The following FRMD5 variants were observed in gnomAD, a reference collection of about 807,000 sequenced individuals.
FRMD5 encodes the protein FERM domain containing 5, also known as FERM domain-containing protein 5.
FRMD5 carries 20 observed loss-of-function variants against 69.0 expected under a neutral mutation model. The ratio of observed to expected loss-of-function variants is 0.29; its 90% CI spans 0.20 to 0.42. The LOEUF is 0.42. Ranked by LOEUF, FRMD5 falls within the 10% of genes least tolerant of loss-of-function variation. FRMD5 has a pLI of 1.00. For synonymous variants in FRMD5, 271 were observed against 260.1 expected, an observed-to-expected ratio of 1.04 and a Z score of -0.40; for missense variants, 595 against 708.6, an observed-to-expected ratio of 0.84 and a Z score of 1.82.
chr15:43,960,363 C>A (rs1459808410), intron 1 of FRMD5, among the ~76,000 whole-genome samples: 1 of 152,248 alleles, frequency 6.6e-6, no homozygotes, highest in Non-Finnish European at 1.5e-5. Flanking sequence ...CGTTCTCCTG[C>A]CTCAGCCTCC....
chr15:44,063,838 A>T (rs1893197461), intron 1 of FRMD5: 1 of 277,972 alleles, frequency 3.6e-6, no homozygotes. Flanking sequence ...GAAGGCTGGG[A>T]CTCATTTAGA....
intron 1 of FRMD5, among the ~76,000 whole-genome samples, chr15:44,075,872 T>G (rs1049618864): frequency 1.3e-5 from 2 of 152,184 alleles, no homozygotes; most frequent in African/African-American, 4.8e-5. Context: ...TGGTGTGAGA[T>G]GGTATCTCAT....
At chr15:43,932,924 GAGA>G (rs778443013) in intron 1 of FRMD5, among the ~76,000 whole-genome samples, 3 of 152,238 alleles carry the variant, frequency 2.0e-5, no homozygotes, top group Admixed American at 6.5e-5. Context: ...TGCTTCTCCT[GAGA>G]AGGACAGCCA....
chr15:44,090,544 A>G (rs2076457053), intron 1 of FRMD5, among the ~76,000 whole-genome samples: 1 of 151,864 alleles, frequency 6.6e-6, no homozygotes, highest in Non-Finnish European at 1.5e-5. Context: ...GATTCCAGTA[A>G]TTCTCCCACC....
At chr15:43,954,880 TG>T (rs1417709712) in intron 1 of FRMD5, among the ~76,000 whole-genome samples, 3 of 152,222 alleles carry the variant, frequency 2.0e-5, no homozygotes, top group African/African-American at 7.2e-5. Context: ...ATTTCTTGTA[TG>T]TGCTAGATGA....
At chr15:44,065,049 T>C (rs1348862493) in intron 1 of FRMD5, among the ~76,000 whole-genome samples, 1 of 152,190 alleles carries the variant, frequency 6.6e-6, no homozygotes, top group African/African-American at 2.4e-5. Context: ...GGCTCTGGAG[T>C]CAGACCACCT....
intron 1 of FRMD5, among the ~76,000 whole-genome samples, chr15:44,004,465 G>T (rs777238270): frequency 4.6e-5 from 7 of 152,102 alleles, no homozygotes; most frequent in Non-Finnish European, 1.0e-4. Context: ...ATGTCTCTGT[G>T]TCACACTTTG....
chr15:44,106,493 G>T (rs1175908903), intron 1 of FRMD5, among the ~76,000 whole-genome samples: 1 of 152,164 alleles, frequency 6.6e-6, no homozygotes, highest in African/African-American at 2.4e-5. Context: ...CTGCTGCTTC[G>T]TCTAGAAGGC....
intron 1 of FRMD5, among the ~76,000 whole-genome samples, chr15:44,116,977 G>A (rs139763095): frequency 6.6e-6 from 1 of 151,684 alleles, no homozygotes; most frequent in African/African-American, 2.4e-5. Flanking sequence ...AGCTACTCAG[G>A]GGGTGGGGCA....
intron 1 of FRMD5, chr15:43,990,117 C>T: frequency 1.6e-6 from 1 of 640,868 alleles, no homozygotes; most frequent in South Asian, 1.5e-5. Flanking sequence ...GGCATCGTCA[C>T]CTGCAAAGCT....
chr15:44,013,828 G>A (rs1467898724), intron 1 of FRMD5, among the ~76,000 whole-genome samples: 2 of 151,202 alleles, frequency 1.3e-5, no homozygotes, highest in Admixed American at 1.3e-4. Context: ...ATGATGAGGA[G>A]GAGTGATGCA....
In FRMD5 at chr15:44,077,688, C is replaced by T. The variant is rs142358623; in HGVS notation, c.102+117265G>A. Among the ~76,000 whole-genome samples the T allele has an allele frequency of 2.4e-3, 366 of 151,970 alleles. 8 individuals are homozygous for T. The East Asian group carries it at 0.059, about 24-fold the overall frequency. ...TCCTTCAAACAGATAGGGGAGGAAA[C>T]GAAGTGACTGGATGTATGAAGTAAC... On this transcript the variant is annotated intron_variant, in intron 1 of 13. Transcript: ENST00000417257.
At chr15:43,985,002 C>T (rs1178210715) in intron 1 of FRMD5, among the ~76,000 whole-genome samples, 2 of 147,246 alleles carry the variant, frequency 1.4e-5, no homozygotes, top group Non-Finnish European at 3.0e-5. Context: ...AAAACAAGGC[C>T]GGGCACGGTG....
rs148426481 is a variant in FRMD5 at position 44,134,916 on chromosome 15, G to T, written c.102+60037C>A. Among the ~76,000 whole-genome samples the T allele has an allele frequency of 2.3e-3, 348 of 152,304 alleles. 8 individuals carry two copies. The East Asian group carries it at 0.058, about 25-fold the overall frequency. On this transcript the variant is annotated intron_variant, in intron 1 of 13. Transcript: ENST00000417257. ...TGGCAAGATGCCTATGTGAGAAACA[G>T]CAAGAAGATTAGGGCTAGAATGGAG...
At chr15:43,979,303 C>T (rs2090512540) in intron 1 of FRMD5, among the ~76,000 whole-genome samples, 1 of 151,660 alleles carries the variant, frequency 6.6e-6, no homozygotes, top group South Asian at 2.1e-4. Context: ...CCATTGCACT[C>T]CAGCCTGGGC....
chr15:43,902,143 A>G, intron 7 of FRMD5, 32 bp downstream of exon 7: 2 of 1,522,828 alleles, frequency 1.3e-6, no homozygotes, highest in Non-Finnish European at 1.8e-6. Flanking sequence ...AGAGGAGGAA[A>G]GGTCATGCAG....
At chr15:44,199,242 A>G (rs912327440), upstream of FRMD5, among the ~76,000 whole-genome samples, 2 of 152,198 alleles carry the variant, frequency 1.3e-5, no homozygotes, top group Admixed American at 6.5e-5. Context: ...AATATTTAGG[A>G]AAAAAAGAAT....
Position 43,874,252 on chromosome 15 carries a change from A to T in FRMD5, c.1346T>A (p.Ile449Asn). The T allele has an allele frequency of 6.2e-6, 10 of 1,614,172 alleles. No homozygotes were observed. The highest frequency in any genetic ancestry group is 8.5e-6 in the Non-Finnish European group (10 of 1,180,038). ...CTCAATGCTGCAGGTGGCTCCATTG[A>T]TCTGCCGGGAAAGCAACATCAGCTC... is the stretch of plus-strand genomic sequence containing the variant. ...SLELMLLSRQ[I>N]NGATCSIEEE... is the part of the protein sequence containing the mutation. Residue 449 changes from isoleucine to asparagine, a missense_variant, in exon 14 of 14, where the codon ATC becomes AAC. Physicochemically the swap from Ile to Asn is moderately radical, Grantham distance 149. Coordinates refer to ENST00000417257, the MANE Select transcript of FRMD5 (RefSeq NM_032892.5).
intron 1 of FRMD5, among the ~76,000 whole-genome samples, chr15:44,121,864 G>T (rs561786553): frequency 1.4e-4 from 21 of 151,490 alleles, no homozygotes; most frequent in Non-Finnish European, 2.9e-4. Flanking sequence ...GCATGGTAGC[G>T]TGTGCCTGTA....
Sources: allele counts gnomAD v4.1 joint callset (sites outside exome capture counted in the v4.1 genomes callset), GRCh38; gene constraint gnomAD v4.1.1; transcripts MANE v1.5; gene names NCBI Gene and HGNC (gene_info 2026-07-23, HGNC 2026-07-21).